Variants in STAU1 observed in about 807,000 individuals in gnomAD.
The protein encoded by STAU1 is staufen double-stranded RNA binding protein 1, also known as double-stranded RNA-binding protein Staufen homolog 1.
A neutral mutation model predicts 62.9 loss-of-function variants in STAU1; 13 were observed. The observed-to-expected ratio is 0.21, with a 90% CI of 0.13 to 0.33. The LOEUF (loss-of-function observed/expected upper bound fraction) is 0.33, where lower values mean the gene tolerates loss of function less well. Ranked by LOEUF, STAU1 falls within the 10% of genes least tolerant of loss-of-function variation. The pLI, the probability that STAU1 is intolerant of heterozygous loss-of-function variation, is 1.00. For synonymous variants in STAU1, 269 were observed against 265.1 expected (o/e 1.01, Z -0.14); for missense variants, 571 against 712.1 (o/e 0.80, Z 2.25).
chr20:49,128,860 G>T (rs2092691025), intron 6 of STAU1, among the ~76,000 whole-genome samples: 1 of 149,970 alleles, frequency 6.7e-6, no homozygotes, highest in African/African-American at 2.4e-5. Flanking sequence ...AAACCTAAAT[G>T]TAAGAGCTAA....
chr20:49,123,010 G>C, intron 8 of STAU1, 82 bp downstream of exon 8: 1 of 1,431,772 alleles, frequency 7.0e-7, no homozygotes. Flanking sequence ...CCTCAGGAAG[G>C]TGTCCAGACC....
At chr20:49,125,214 A>AAAAAAAAAAAAAAAAAAAAAC (rs1568832413) in intron 6 of STAU1, among the ~76,000 whole-genome samples, 6 of 146,052 alleles carry the variant, frequency 4.1e-5, no homozygotes, top group African/African-American at 1.5e-4. Context: ...AAAAAAAAAA[A>AAAAAAAAAAAAAAAAAAAAAC]AAAAAAAAAA....
chr20:49,122,559 A>T (rs2092488343), intron 8 of STAU1, among the ~76,000 whole-genome samples: 1 of 152,224 alleles, frequency 6.6e-6, no homozygotes, highest in African/African-American at 2.4e-5. Flanking sequence ...TTTGATATGT[A>T]GCCTTTACAG....
At chr20:49,142,744 G>GCCA (rs1302200964) in intron 5 of STAU1, among the ~76,000 whole-genome samples, 6 of 152,118 alleles carry the variant, frequency 3.9e-5, no homozygotes, top group Non-Finnish European at 8.8e-5. Context: ...GAACAAAGCA[G>GCCA]CCAGTAAAAT....
chr20:49,118,014 G>A lies in STAU1; in HGVS notation c.1272C>T (p.Val424=), dbSNP rs1358475953. The A allele has an allele frequency of 5.6e-6, 9 of 1,614,174 alleles. No homozygotes were observed. Among genetic ancestry groups the A allele is most frequent in the Middle Eastern group, 1.6e-4 (1 of 6,062 alleles). Residue 424 remains valine, a synonymous_variant, in exon 11 of 14, where the codon GTC becomes GTT. Coordinates refer to ENST00000371856, the MANE Select transcript of STAU1 (RefSeq NM_017453.4). ...CTTGACTAACTCCTACAGCCTGGGC[G>A]ACCTCGGGCACCATGGGAAGAATTC... ...PAGILPMVPE[V]AQAVGVSQGH...
At chr20:49,177,552 G>A (rs1215703919) in intron 1 of STAU1, among the ~76,000 whole-genome samples, 1 of 151,838 alleles carries the variant, frequency 6.6e-6, no homozygotes, top group African/African-American at 2.4e-5. Flanking sequence ...GGTGGCGGGC[G>A]CCTGTAGTCT....
In STAU1 at chr20:49,140,674, C is replaced by G. The variant is rs113363512; in HGVS notation, c.511-4743G>C. 1.3e-4 allele frequency among the ~76,000 whole-genome samples: 20 copies of G among 152,152 alleles called. 2 individuals carry two copies. The highest frequency in any genetic ancestry group is 4.8e-4 in the African/African-American group (20 of 41,496). ...AGTGGGGAGTAACTCTTCAATGAGT[C>G]CAGAATTTCTATTTGGAATGATGGA... On this transcript the variant is annotated intron_variant, in intron 5 of 13. Coordinates refer to ENST00000371856, the MANE Select transcript of STAU1 (RefSeq NM_017453.4).
In STAU1 at chr20:49,118,047, C is replaced by T; in HGVS notation, c.1239G>A (p.Leu413=). ...FRMPYLSHQQ[L]PAGILPMVPE... is the part of the protein sequence containing the mutation. ...GCACCATGGGAAGAATTCCAGCAGG[C>T]AGCTGCTGATGACTTAGATAAGGCA... The change falls in exon 11 of 14, where the codon CTG becomes CTA. Residue 413 remains leucine (L), a synonymous_variant. Transcript: ENST00000371856. 6.2e-7 allele frequency: 1 copy of T among 1,614,148 alleles called. No individual in the cohort carries two copies. Among genetic ancestry groups the T allele is most frequent in the African/African-American group, 1.3e-5 (1 of 75,018 alleles).
intron 5 of STAU1, among the ~76,000 whole-genome samples, chr20:49,142,423 CG>C (rs1166791517): frequency 2.0e-5 from 3 of 152,098 alleles, no homozygotes; most frequent in Admixed American, 6.6e-5. Context: ...TTTATACTAA[CG>C]AAATGCTCCT....
At chr20:49,163,795 C>CA (rs1370118296) in intron 3 of STAU1, among the ~76,000 whole-genome samples, 2 of 152,132 alleles carry the variant, frequency 1.3e-5, no homozygotes, top group East Asian at 1.9e-4. Flanking sequence ...GAGTCAGTCT[C>CA]AGTCTGTTGC....
At chr20:49,164,258 A>C (rs1434961327) in intron 3 of STAU1, among the ~76,000 whole-genome samples, 2 of 151,910 alleles carry the variant, frequency 1.3e-5, no homozygotes, top group Non-Finnish European at 2.9e-5. Context: ...ATCCCAAAAC[A>C]CTGAAATTAC....
the STAU1 span, among the ~76,000 whole-genome samples, chr20:49,203,381 A>G: frequency 6.6e-6 from 1 of 152,070 alleles, no homozygotes; most frequent in Non-Finnish European, 1.5e-5. Context: ...ACCAAGAACA[A>G]TAGAGAAAAT....
At chr20:49,148,586 A>G (rs2093175859) in intron 5 of STAU1, among the ~76,000 whole-genome samples, 1 of 152,250 alleles carries the variant, frequency 6.6e-6, no homozygotes, top group Non-Finnish European at 1.5e-5. Context: ...CATTTCTGAC[A>G]GGCACGGTCT....
chr20:49,131,898 C>A (rs906376590), intron 6 of STAU1, among the ~76,000 whole-genome samples: 5 of 151,284 alleles, frequency 3.3e-5, no homozygotes, highest in African/African-American at 1.2e-4. Flanking sequence ...AAAATGTTAA[C>A]CACTGGTTAA....
the STAU1 span, chr20:49,210,432 A>ATGAGAAAC: frequency 2.2e-6 from 1 of 455,986 alleles, no homozygotes; most frequent in Non-Finnish European, 4.4e-6. Flanking sequence ...TTACACATGT[A>ATGAGAAAC]TGAGAAACCA....
chr20:49,154,188 G>A lies in STAU1; in HGVS notation c.206-117C>T. 2.8e-6 allele frequency: 3 copies of A among 1,085,574 alleles called. 1 individual carries two copies. Among genetic ancestry groups the A allele is most frequent in the Non-Finnish European group, 1.3e-6 (1 of 774,154 alleles). The allele number at this position is 1,085,574 out of a possible 1,614,324, so 67.2% of individuals were successfully genotyped here. On this transcript the variant is annotated intron_variant, in intron 3 of 13. Transcript: ENST00000371856. ...GGATTCATGATACTTTACATAAAAG[G>A]ACCTGGGTGGCTCACTGCTAGGCAT...
At chr20:49,204,630 A>G in the STAU1 span, among the ~76,000 whole-genome samples, 784 of 55,908 alleles carry the variant, frequency 0.014, 21 homozygotes, top group African/African-American at 0.064. Flanking sequence ...ATATGTGTAT[A>G]TATATATATA....
chr20:49,166,175 C>G lies in STAU1; in HGVS notation c.27G>C (p.Gln9His). The change falls in exon 3 of 14, where the codon CAG becomes CAC. Residue 9 changes from glutamine to histidine, a missense_variant. Gln to His is a conservative substitution (Grantham distance 24). Around this residue, in one of 3 missense-constraint regions of STAU1, gnomAD observed 414 missense variants for 499.6 expected, o/e 0.83. Transcript: ENST00000371856. ...TCCCTGAGAGAGCAGCAGATGGGTTCTGAACTTGCACTTGAACTTGAGACA... is the reference window on the plus strand; with the variant it reads ...TCCCTGAGAGAGCAGCAGATGGGTTGTGAACTTGCACTTGAACTTGAGACA... MSQVQVQV[Q>H]NPSAALSGSQ... 1 of 1,614,156 alleles carries G rather than the reference C, an allele frequency of 6.2e-7. No homozygotes were observed. The highest frequency in any genetic ancestry group is 1.3e-5 in the African/African-American group (1 of 75,054).
upstream of STAU1, among the ~76,000 whole-genome samples, chr20:49,192,500 C>T (rs1349972416): frequency 6.6e-6 from 1 of 152,000 alleles, no homozygotes; most frequent in Non-Finnish European, 1.5e-5. Flanking sequence ...CAAAAGAATA[C>T]AGAAAAAGAC....
Sources: allele counts gnomAD v4.1 joint callset (sites outside exome capture counted in the v4.1 genomes callset), GRCh38; gene constraint gnomAD v4.1.1; regional missense constraint gnomAD v4.1.1; transcripts MANE v1.5; gene names NCBI Gene and HGNC (gene_info 2026-07-23, HGNC 2026-07-21).